Variants in NLGN1 observed in about 807,000 individuals in gnomAD.
The protein encoded by NLGN1 is neuroligin-1.
Under a neutral mutation model 65.5 loss-of-function variants are expected in NLGN1, and 12 were observed. The observed-to-expected ratio is 0.18, with a 90% CI of 0.12 to 0.30. The LOEUF is 0.30. NLGN1 is among the 10% of genes least tolerant of loss of function. The pLI, the probability that NLGN1 is intolerant of heterozygous loss-of-function variation, is 1.00. For missense variants in NLGN1, 750 were observed against 1,007.1 expected, an observed-to-expected ratio of 0.74 and a Z score of 3.46; for synonymous variants, 350 against 359.5, an observed-to-expected ratio of 0.97 and a Z score of 0.30.
chr3:173,416,934 A>T (rs1044322806), intron 1 of NLGN1, among the ~76,000 whole-genome samples: 1 of 152,174 alleles, frequency 6.6e-6, no homozygotes, highest in Non-Finnish European at 1.5e-5. Context: ...AATCTTTATG[A>T]TACCATGATC....
rs148708093 is a variant in NLGN1 at position 173,849,052 on chromosome 3, T to C, written c.646+41220T>C. 4.5e-3 allele frequency among the ~76,000 whole-genome samples: 688 copies of C among 152,222 alleles called. 9 individuals are homozygous for C. The highest frequency in any genetic ancestry group is 0.016 in the African/African-American group (651 of 41,542). On this transcript the variant is annotated intron_variant, in intron 4 of 6. Coordinates refer to ENST00000457714, the Ensembl canonical transcript of NLGN1. ...CAGATATGTAGGATATAGCCAATGG[T>C]TTTATGTACAGCTCATTGTCAATTT...
At chr3:173,765,047 GGTGCAT>G in intron 3 of NLGN1, among the ~76,000 whole-genome samples, 1 of 127,512 alleles carries the variant, frequency 7.8e-6, no homozygotes, top group Middle Eastern at 3.8e-3. Flanking sequence ...AATTGCTGTG[GGTGCAT>G]GTGTGTGTGT....
intron 2 of NLGN1, among the ~76,000 whole-genome samples, chr3:173,602,107 C>T (rs1750637590): frequency 1.3e-5 from 2 of 151,974 alleles, no homozygotes; most frequent in South Asian, 4.1e-4. Context: ...AAAAATTAAC[C>T]TCTTCAAGTC....
intron 4 of NLGN1, among the ~76,000 whole-genome samples, chr3:174,180,561 CTT>C (rs773718016): frequency 1.3e-5 from 2 of 152,072 alleles, no homozygotes; most frequent in African/African-American, 4.8e-5. Flanking sequence ...TTATTAATGA[CTT>C]ATATATATTA....
chr3:173,400,591 A>T (rs1183579016), intron 1 of NLGN1, among the ~76,000 whole-genome samples: 2 of 152,092 alleles, frequency 1.3e-5, no homozygotes, highest in African/African-American at 4.8e-5. Flanking sequence ...GGACAGAAAA[A>T]CATTTTAGTT....
At chr3:173,408,365 A>G (rs189550707) in intron 1 of NLGN1, among the ~76,000 whole-genome samples, 4 of 152,156 alleles carry the variant, frequency 2.6e-5, no homozygotes, top group Non-Finnish European at 5.9e-5. Flanking sequence ...CATCACTTAA[A>G]AATTTTTAAC....
intron 3 of NLGN1, among the ~76,000 whole-genome samples, chr3:173,773,854 A>G (rs1204823549): frequency 6.6e-6 from 1 of 152,196 alleles, no homozygotes; most frequent in Admixed American, 6.5e-5. Context: ...TGAGGTATGA[A>G]ATTAGATGTT....
intron 3 of NLGN1, among the ~76,000 whole-genome samples, chr3:173,665,535 C>T (rs990646117): frequency 1.3e-5 from 2 of 152,070 alleles, no homozygotes; most frequent in Non-Finnish European, 2.9e-5. Flanking sequence ...TATATAAATA[C>T]ATCATTATAT....
At chr3:174,177,417 T>C (rs1729652189) in intron 4 of NLGN1, among the ~76,000 whole-genome samples, 3 of 152,078 alleles carry the variant, frequency 2.0e-5, no homozygotes, top group Admixed American at 2.0e-4. Flanking sequence ...AATATTCTGA[T>C]TAGAAGCGAT....
intron 4 of NLGN1, among the ~76,000 whole-genome samples, chr3:173,919,964 G>C (rs1298456754): frequency 6.6e-6 from 1 of 151,886 alleles, no homozygotes; most frequent in African/African-American, 2.4e-5. Flanking sequence ...TTTAATCAAA[G>C]GAGAATGCTG....
chr3:173,972,801 C>T (rs1452032951), intron 4 of NLGN1, among the ~76,000 whole-genome samples: 1 of 152,018 alleles, frequency 6.6e-6, no homozygotes, highest in Non-Finnish European at 1.5e-5. Flanking sequence ...GGTCCCCAGG[C>T]TAGTAGCATC....
intron 4 of NLGN1, among the ~76,000 whole-genome samples, chr3:174,236,447 T>C (rs1010108754): frequency 6.6e-6 from 1 of 152,116 alleles, no homozygotes; most frequent in Non-Finnish European, 1.5e-5. Flanking sequence ...CATGTTTTAA[T>C]GTAACATCAG....
intron 4 of NLGN1, among the ~76,000 whole-genome samples, chr3:174,093,051 A>G (rs971182500): frequency 3.9e-5 from 6 of 152,182 alleles, no homozygotes; most frequent in Non-Finnish European, 8.8e-5. Flanking sequence ...GCAAAGAATA[A>G]ATCAAACTCT....
chr3:173,953,605 A>G (rs1748644752), intron 4 of NLGN1, among the ~76,000 whole-genome samples: 1 of 152,156 alleles, frequency 6.6e-6, no homozygotes, highest in Non-Finnish European at 1.5e-5. Context: ...CCCAGGCTAG[A>G]GTGCAGTGGC....
intron 4 of NLGN1, among the ~76,000 whole-genome samples, chr3:173,872,615 C>T (rs911503014): frequency 6.6e-6 from 1 of 152,024 alleles, no homozygotes; most frequent in Non-Finnish European, 1.5e-5. Context: ...AAACAGAGGC[C>T]CCACATCACA....
intron 4 of NLGN1, among the ~76,000 whole-genome samples, chr3:174,164,111 GACTT>G (rs1727082444): frequency 6.6e-6 from 1 of 151,636 alleles, no homozygotes; most frequent in South Asian, 2.1e-4. Context: ...TTTTCTTTTT[GACTT>G]TTTCATAATA....
chr3:174,193,035 T>C (rs920352051), intron 4 of NLGN1, among the ~76,000 whole-genome samples: 2 of 152,188 alleles, frequency 1.3e-5, no homozygotes, highest in African/African-American at 4.8e-5. Context: ...TACATTGGTA[T>C]ATAACTAATT....
intron 3 of NLGN1, among the ~76,000 whole-genome samples, chr3:173,741,685 G>T (rs1449717664): frequency 6.6e-6 from 1 of 151,872 alleles, no homozygotes; most frequent in African/African-American, 2.4e-5. Flanking sequence ...TAGAGATGGG[G>T]TTTCACCATG....
intron 4 of NLGN1, among the ~76,000 whole-genome samples, chr3:174,173,248 C>G (rs1168645480): frequency 6.6e-6 from 1 of 152,036 alleles, no homozygotes; most frequent in East Asian, 1.9e-4. Flanking sequence ...ATCATATCAT[C>G]TGCAAACAAG....
Sources: gnomAD v4.1 joint callset for allele counts (sites outside exome capture counted in the v4.1 genomes callset) on GRCh38, gnomAD v4.1.1 for gene constraint, MANE v1.5 for transcripts, NCBI Gene and HGNC (gene_info 2026-07-23, HGNC 2026-07-21) for gene names.